Variants in FMN1 observed in about 807,000 individuals in gnomAD.
The protein encoded by FMN1 is formin 1.
FMN1 carries 110 observed loss-of-function variants against 132.4 expected under a neutral mutation model. The ratio of observed to expected loss-of-function variants is 0.83; its 90% CI spans 0.71 to 0.97. The LOEUF is 0.97. Ranked by LOEUF, FMN1 falls within the 50% of genes least tolerant of loss-of-function variation. FMN1 has a pLI of 0.00. For missense variants in FMN1, 1,792 were observed against 1,705.3 expected (o/e 1.05, Z -0.90); for synonymous variants, 722 against 651.7 (o/e 1.11, Z -1.64).
intron 2 of FMN1, among the ~76,000 whole-genome samples, chr15:33,185,210 C>T (rs1327657753): frequency 2.0e-5 from 3 of 152,104 alleles, no homozygotes; most frequent in South Asian, 2.1e-4. Context: ...GTTGCATAGT[C>T]GTAATGTTTT....
Position 33,154,432 on chromosome 15 carries a change from C to G in FMN1, c.483G>C (p.Arg161Ser). ...CAAAGCTCTCTCTCCTTCCACTAGA[C>G]CTCCGAGGCTTTTTGTTCCCGTGGG... ...RSTHGNKKPR[R>S]SSGRRESFGA... Residue 161 changes from arginine to serine, a missense_variant, in exon 4 of 21, where the codon AGG becomes AGC. Transcript: ENST00000616417. The G allele has an allele frequency of 1.3e-6, 2 of 1,536,154 alleles. No individual in the cohort carries two copies. The highest frequency in any genetic ancestry group is 1.7e-6 in the Non-Finnish European group (2 of 1,146,926).
intron 7 of FMN1, among the ~76,000 whole-genome samples, chr15:32,980,036 T>C (rs1212452415): frequency 6.6e-6 from 1 of 152,058 alleles, no homozygotes; most frequent in Non-Finnish European, 1.5e-5. Context: ...TTTTACGTTA[T>C]AGGCAAATCG....
intron 4 of FMN1, among the ~76,000 whole-genome samples, chr15:33,141,003 G>T (rs1055739037): frequency 6.6e-6 from 1 of 151,660 alleles, no homozygotes; most frequent in African/African-American, 2.4e-5. Flanking sequence ...TTTCCTCCTG[G>T]GTAGTTTGCC....
Position 32,768,188 on chromosome 15 carries a change from T to C in FMN1, c.*6122A>G, listed in dbSNP as rs1235248599. ...TTCCAGAGTGTTCATCCCTCAACACTTATCATCCATGTCATGGGGAGGTAG... is the reference window on the plus strand; with the variant it reads ...TTCCAGAGTGTTCATCCCTCAACACCTATCATCCATGTCATGGGGAGGTAG... On this transcript the variant is annotated 3_prime_UTR_variant, in exon 21 of 21. Coordinates refer to ENST00000616417, the MANE Select transcript of FMN1 (RefSeq NM_001277313.2). The C allele has an allele frequency of 6.6e-6, 1 of 152,174 alleles. No individual in the cohort carries two copies. Among genetic ancestry groups the C allele is most frequent in the African/African-American group, 2.4e-5 (1 of 41,430 alleles). 9.4% of individuals were successfully genotyped at this position (152,174 alleles called of 1,614,324 possible). A position where few individuals can be genotyped will look rare whatever the true frequency, so the allele number is the denominator to read the frequency against.
At chr15:32,885,170 C>G (rs1362520035) in intron 16 of FMN1, among the ~76,000 whole-genome samples, 1 of 152,182 alleles carries the variant, frequency 6.6e-6, no homozygotes, top group African/African-American at 2.4e-5. Flanking sequence ...ATTTGTATGT[C>G]TATTTGACAA....
chr15:33,153,675 C>A lies in FMN1; in HGVS notation c.1240G>T (p.Glu414Ter). ...ASISSVSASAEGAVNKVPLKV... is the reference protein window; with the variant it reads ...ASISSVSASA Reference sequence around the variant, plus strand: ...AGGGGGACCTTGTTCACGGCCCCCTCGGCACTGGCCGACACACTAGAAATG... The same window carrying A: ...AGGGGGACCTTGTTCACGGCCCCCTAGGCACTGGCCGACACACTAGAAATG... Residue 414 changes from glutamate (E) to a stop codon, truncating the protein, a stop_gained, in exon 4 of 21, where the codon GAG (glutamate) becomes TAG (stop). Coordinates refer to ENST00000616417, the MANE Select transcript of FMN1 (RefSeq NM_001277313.2). LOFTEE classifies it high-confidence loss of function. 6.5e-7 allele frequency: 1 copy of A among 1,536,394 alleles called. No individual in the cohort carries two copies. The highest frequency in any genetic ancestry group is 1.2e-5 in the South Asian group (1 of 84,064).
intron 9 of FMN1, among the ~76,000 whole-genome samples, chr15:32,934,578 T>C (rs990458489): frequency 2.0e-5 from 3 of 151,814 alleles, no homozygotes; most frequent in African/African-American, 7.3e-5. Flanking sequence ...CTCTTTTGTT[T>C]CTGAAAGACA....
In FMN1 at chr15:33,154,964, C is replaced by T; in HGVS notation, c.-50G>A. ...TTGGAGATGCCGGTTTGTGGTCAGG[C>T]TTCCCAGGCTCCAGTGGTGAGGCAT... On this transcript the variant is annotated 5_prime_UTR_variant, in exon 4 of 21. Coordinates refer to ENST00000616417, the MANE Select transcript of FMN1 (RefSeq NM_001277313.2). 6.9e-7 allele frequency: 1 copy of T among 1,448,354 alleles called. No individual in the cohort carries two copies. Among genetic ancestry groups the T allele is most frequent in the Non-Finnish European group, 9.2e-7 (1 of 1,090,760 alleles). The allele number at this position is 1,448,354 out of a possible 1,614,324, so 89.7% of individuals were successfully genotyped here.
At position 33,180,220 on chromosome 15, in the gene FMN1, A is replaced by G. The variant is rs1056682612; in HGVS notation, c.-154T>C. The stretch of plus-strand genomic sequence containing the variant: ...TACCTAGATCAGCCTTCGCTTGGGC[A>G]GGGTCCAGATGCGGAGATGTGAAAA... On this transcript the variant is annotated 5_prime_UTR_variant, in exon 3 of 21. Coordinates refer to ENST00000616417, the MANE Select transcript of FMN1 (RefSeq NM_001277313.2). 2.0e-5 allele frequency: 3 copies of G among 151,542 alleles called. No individual in the cohort carries two copies. Among genetic ancestry groups the G allele is most frequent in the African/African-American group, 7.3e-5 (3 of 41,068 alleles). 9.4% of individuals were successfully genotyped at this position (151,542 alleles called of 1,614,324 possible).
rs899401493 is a variant in FMN1, at chr15:32,957,726, C to T, written c.3138+6381G>A. 5.3e-5 allele frequency among the ~76,000 whole-genome samples: 8 copies of T among 152,226 alleles called. No homozygotes were observed. In the East Asian group the frequency reaches 7.7e-4, roughly 15 times the overall value. On this transcript the variant is annotated intron_variant, in intron 9 of 20. Coordinates refer to ENST00000616417, the MANE Select transcript of FMN1 (RefSeq NM_001277313.2). ...AGAGATTAATGCAAAGAATACTTAA[C>T]GTACTCTTATAATTTCATATTATAC...
intron 16 of FMN1, among the ~76,000 whole-genome samples, chr15:32,860,179 AAGGGAGG>A (rs1249935948): frequency 8.6e-6 from 1 of 115,654 alleles, no homozygotes; most frequent in Non-Finnish European, 2.0e-5. Context: ...GAAAAAAGAA[AAGGGAGG>A]AAGGAAGGAA....
chr15:33,157,087 A>G (rs1329534293), intron 3 of FMN1, among the ~76,000 whole-genome samples: 3 of 151,922 alleles, frequency 2.0e-5, no homozygotes, highest in Non-Finnish European at 2.9e-5. Flanking sequence ...CCAACATGGT[A>G]AACCCCGTCT....
intron 4 of FMN1, among the ~76,000 whole-genome samples, chr15:33,126,047 A>G (rs921689284): frequency 6.6e-6 from 1 of 152,166 alleles, no homozygotes; most frequent in African/African-American, 2.4e-5. Flanking sequence ...GCAGTTGTGA[A>G]AAACAGATAA....
In FMN1 at chr15:33,066,945, C is replaced by T. The variant is rs200901863; in HGVS notation, c.2044-1871G>A. 62 of 1,614,012 alleles carry T rather than the reference C, an allele frequency of 3.8e-5. No homozygotes were observed. The highest frequency in any genetic ancestry group is 4.5e-5 in the Non-Finnish European group (53 of 1,179,890). ...CCTGCCTGCACTAAGGACTTCTGCA[C>T]AGGCTGCGTCAATTTGAGCAAAGCT... On this transcript the variant is annotated intron_variant, in intron 5 of 20. Coordinates refer to ENST00000616417, the MANE Select transcript of FMN1 (RefSeq NM_001277313.2).
chr15:32,805,430 A>C (rs891233804), intron 17 of FMN1, among the ~76,000 whole-genome samples: 12 of 151,670 alleles, frequency 7.9e-5, no homozygotes, highest in Non-Finnish European at 1.3e-4. Context: ...GATTGCAAAA[A>C]TTTTCTCCCA....
intron 6 of FMN1, among the ~76,000 whole-genome samples, chr15:33,013,835 T>A (rs185530303): frequency 6.6e-6 from 1 of 152,232 alleles, no homozygotes; most frequent in Non-Finnish European, 1.5e-5. Context: ...TCTTGTGAAA[T>A]TGATGTCCTT....
At chr15:32,979,988 C>T (rs1272515580) in intron 7 of FMN1, among the ~76,000 whole-genome samples, 1 of 152,108 alleles carries the variant, frequency 6.6e-6, no homozygotes, top group Non-Finnish European at 1.5e-5. Context: ...TGAGTTTTAC[C>T]AGGGATTAGT....
intron 17 of FMN1, among the ~76,000 whole-genome samples, chr15:32,852,138 G>A (rs189697675): frequency 1.7e-4 from 26 of 152,198 alleles, no homozygotes; most frequent in African/African-American, 6.3e-4. Flanking sequence ...TCTCCCATGA[G>A]CCCAGCATCT....
chr15:32,841,927 G>A (rs1213116962), intron 17 of FMN1, among the ~76,000 whole-genome samples: 7 of 152,188 alleles, frequency 4.6e-5, no homozygotes, highest in Non-Finnish European at 7.3e-5. Context: ...CACTAGTTAA[G>A]AGTCCAGATA....
Sources: gnomAD v4.1 joint callset for allele counts (sites outside exome capture counted in the v4.1 genomes callset) on GRCh38, gnomAD v4.1.1 for gene constraint, MANE v1.5 for transcripts, NCBI Gene and HGNC (gene_info 2026-07-23, HGNC 2026-07-21) for gene names.